RINT1: variants seen among roughly 807,000 people sequenced by gnomAD.
The protein encoded by RINT1 is RAD50-interacting protein 1.
RINT1 carries 75 observed loss-of-function variants against 97.7 expected under a neutral mutation model. The ratio of observed to expected loss-of-function variants is 0.77; its 90% CI spans 0.64 to 0.93. The LOEUF (loss-of-function observed/expected upper bound fraction) is 0.93. Among genes scored for constraint, RINT1 ranks in the 40% least tolerant of loss-of-function variants. The pLI is 0.00. For synonymous variants in RINT1, 303 were observed against 326.3 expected, an observed-to-expected ratio of 0.93 and a Z score of 0.77; for missense variants, 892 against 925.2, an observed-to-expected ratio of 0.96 and a Z score of 0.47.
chr7:105,533,937 G>A (rs6466070), intron 2 of RINT1, among the ~76,000 whole-genome samples: 59,773 of 152,120 alleles, frequency 0.39, 12,573 homozygotes, highest in East Asian at 0.72. Flanking sequence ...CTGCTTTGCA[G>A]TTAGGAGTGC....
At chr7:105,546,537 C>A (rs1250006035) in intron 4 of RINT1, among the ~76,000 whole-genome samples, 3 of 152,150 alleles carry the variant, frequency 2.0e-5, no homozygotes, top group African/African-American at 7.2e-5. Context: ...GAAGAAGAAG[C>A]ACTTTTTCCG....
At chr7:105,532,492 C>A (rs2133347792) in intron 1 of RINT1, 135 bp downstream of exon 1, 8 of 1,010,562 alleles carry the variant, frequency 7.9e-6, no homozygotes, top group Non-Finnish European at 1.2e-5. Flanking sequence ...AGATTAGAGG[C>A]CCTTGTAAGA....
At chr7:105,566,723 A>ATGTT (rs1791765612) in intron 14 of RINT1, 1 of 152,644 alleles carries the variant, frequency 6.6e-6, no homozygotes, top group African/African-American at 2.4e-5. Flanking sequence ...ATGAAAGCTT[A>ATGTT]TGTTTACACG....
At position 105,565,508 on chromosome 7, in the gene RINT1, T is replaced by C. The variant is rs861761; in HGVS notation, c.2068-22T>C. The C allele has an allele frequency of 0.068, 108,944 of 1,609,636 alleles. 4,697 individuals are homozygous for C. The highest frequency in any genetic ancestry group is 0.21 in the African/African-American group (15,779 of 74,832). ...GCTGTGATAATAAAGACAACTGTTA[T>C]ATGAATTATTCTTTGTTTCAGATAA... On this transcript the variant is annotated intron_variant, in intron 13 of 14. Transcript: ENST00000257700.
intron 11 of RINT1, among the ~76,000 whole-genome samples, chr7:105,562,771 C>A (rs1425821973): frequency 6.6e-6 from 1 of 152,078 alleles, no homozygotes; most frequent in African/African-American, 2.4e-5. Flanking sequence ...GGTGTGCTGG[C>A]ACACGCCCGT....
intron 6 of RINT1, 47 bp from the exon 7 acceptor site, chr7:105,548,507 A>G (rs1191877644): frequency 1.9e-6 from 3 of 1,583,320 alleles, no homozygotes; most frequent in Admixed American, 3.3e-5. Context: ...ATGTGTGTGT[A>G]TATTAGGTAT....
intron 4 of RINT1, among the ~76,000 whole-genome samples, chr7:105,544,531 T>C (rs1790581809): frequency 2.6e-5 from 4 of 151,822 alleles, no homozygotes; most frequent in African/African-American, 4.8e-5. Context: ...ACCTCCCGGG[T>C]TCAAGCGATT....
At chr7:105,546,843 C>G (rs1011685814) in intron 4 of RINT1, 67 bp from the exon 5 acceptor site, 40 of 1,239,514 alleles carry the variant, frequency 3.2e-5, no homozygotes, top group Non-Finnish European at 4.3e-5. Context: ...CCACTGCACT[C>G]CAACCTGGGC....
chr7:105,547,009 T>G lies in RINT1; in HGVS notation c.615T>G (p.Ser205=). The G allele has an allele frequency of 6.2e-7, 1 of 1,614,000 alleles. No individual in the cohort carries two copies. Among genetic ancestry groups the G allele is most frequent in the Non-Finnish European group, 8.5e-7 (1 of 1,179,870 alleles). Residue 205 remains serine (S), a synonymous_variant, in exon 5 of 15, where the codon TCT becomes TCG. Transcript: ENST00000257700. ...TTGACATTAAACTTCAGGAATCATC[T>G]TGTACTCATCTTCTTGGTTTCATGA... ...AELDIKLQES[S]CTHLLGFMRA... is the part of the protein sequence containing the mutation.
intron 12 of RINT1, among the ~76,000 whole-genome samples, chr7:105,564,725 G>A (rs1162049677): frequency 6.6e-6 from 1 of 152,184 alleles, no homozygotes; most frequent in African/African-American, 2.4e-5. Context: ...ATCAGGCTGG[G>A]TGCAGTGGCT....
chr7:105,536,441 G>A (rs1487341229), intron 2 of RINT1, 124 bp from the exon 3 acceptor site: 1 of 610,592 alleles, frequency 1.6e-6, no homozygotes, highest in Admixed American at 3.3e-5. Context: ...TCACAGGTGT[G>A]AGCCACCGTG....
intron 2 of RINT1, among the ~76,000 whole-genome samples, chr7:105,536,001 A>G (rs939147388): frequency 6.6e-6 from 1 of 152,202 alleles, no homozygotes; most frequent in Non-Finnish European, 1.5e-5. Context: ...CTCAGCTCTT[A>G]AGCATTTTGC....
At chr7:105,532,443 G>A in intron 1 of RINT1, 86 bp downstream of exon 1, 2 of 1,436,030 alleles carry the variant, frequency 1.4e-6, no homozygotes, top group Non-Finnish European at 9.5e-7. Flanking sequence ...GTCCCGGTGC[G>A]GTGGCCCTGT....
chr7:105,547,876 C>T (rs1385643130), intron 6 of RINT1, among the ~76,000 whole-genome samples: 1 of 151,516 alleles, frequency 6.6e-6, no homozygotes, highest in Non-Finnish European at 1.5e-5. Context: ...TACAGGCGTG[C>T]ACCACTATGC....
At chr7:105,564,340 G>A (rs1791589792) in intron 12 of RINT1, among the ~76,000 whole-genome samples, 1 of 152,112 alleles carries the variant, frequency 6.6e-6, no homozygotes, top group African/African-American at 2.4e-5. Context: ...ACCTGCCTCG[G>A]CCTCCCAAAG....
intron 11 of RINT1, among the ~76,000 whole-genome samples, chr7:105,561,138 G>T (rs1264487057): frequency 6.6e-6 from 1 of 151,058 alleles, no homozygotes. Context: ...GATTTATTTA[G>T]TCCTCTGTTA....
Position 105,563,912 on chromosome 7 carries a change from A to G in RINT1, c.1851A>G (p.Glu617=). ...GTCAAGTAGACCACGTTTTTAGAGA[A>G]GTTAAAGATGCTGCAAAATTGTATA... ...LTRQVDHVFR[E]VKDAAKLYKK... is the part of the protein sequence containing the mutation. The change falls in exon 12 of 15, where the codon GAA becomes GAG. Residue 617 remains glutamate, a synonymous_variant. Coordinates refer to ENST00000257700, the MANE Select transcript of RINT1 (RefSeq NM_021930.6). The G allele has an allele frequency of 6.2e-7, 1 of 1,614,166 alleles. No homozygotes were observed. The highest frequency in any genetic ancestry group is 8.5e-7 in the Non-Finnish European group (1 of 1,180,016).
Position 105,563,722 on chromosome 7 carries a change from T to G in RINT1, c.1672-11T>G, listed in dbSNP as rs1267559500. 18 of 1,605,482 alleles carry G rather than the reference T, an allele frequency of 1.1e-5. No individual in the cohort carries two copies. The highest frequency in any genetic ancestry group is 1.5e-5 in the Non-Finnish European group (18 of 1,174,194). ...AAGTATGCTAATGTGTTAACATGTT[T>G]TTGCTTTCAGTTCTTTCTACAACTT... On this transcript the variant is annotated splice_polypyrimidine_tract_variant and intron_variant, in intron 11 of 14. Transcript: ENST00000257700.
At position 105,536,356 on chromosome 7, in the gene RINT1, G is replaced by A. The variant is rs910459626; in HGVS notation, c.89-209G>A. 2.6e-5 allele frequency among the ~76,000 whole-genome samples: 4 copies of A among 151,874 alleles called. No homozygotes were observed. The East Asian group carries it at 5.8e-4, about 22-fold the overall frequency. On this transcript the variant is annotated intron_variant, in intron 2 of 14. Coordinates refer to ENST00000257700, the MANE Select transcript of RINT1 (RefSeq NM_021930.6). ...GTATTTTTAGTAGAGACGGGATTTC[G>A]CCGTGTTTGCCAGGCTAGTCTTAAA...
Sources: allele counts gnomAD v4.1 joint callset (sites outside exome capture counted in the v4.1 genomes callset), GRCh38; gene constraint gnomAD v4.1.1; transcripts MANE v1.5; gene names NCBI Gene and HGNC (gene_info 2026-07-23, HGNC 2026-07-21).